Variants in TMEM38B observed in about 807,000 individuals in gnomAD.
TMEM38B encodes the protein trimeric intracellular cation channel type B.
In TMEM38B, 24 loss-of-function variants were observed where a neutral mutation model predicts 28.7. The ratio of observed to expected loss-of-function variants is 0.84; its 90% CI spans 0.61 to 1.18. The LOEUF is 1.18. TMEM38B is among the 50% of genes most tolerant of loss of function. TMEM38B has a pLI of 0.00. For missense variants in TMEM38B, 380 were observed against 350.9 expected (o/e 1.08, Z -0.66); for synonymous variants, 131 against 127.7 (o/e 1.03, Z -0.17).
intron 5 of TMEM38B, among the ~76,000 whole-genome samples, chr9:105,750,594 A>G (rs1837610751): frequency 6.6e-6 from 1 of 151,982 alleles, no homozygotes; most frequent in South Asian, 2.1e-4. Context: ...AGCCTGGGCA[A>G]CAGAGAAAGA....
chr9:105,701,426 C>A (rs369502988), intron 1 of TMEM38B: 6 of 152,176 alleles, frequency 3.9e-5, no homozygotes, highest in African/African-American at 1.4e-4. Flanking sequence ...TGAAGCAAGA[C>A]TGTAATGGTT....
Position 105,722,494 on chromosome 9 carries a change from AATTTGGCCAAATATTCTTGTTTT to A in TMEM38B, c.455-35_455-13del. On this transcript the variant is annotated splice_polypyrimidine_tract_variant and intron_variant, in intron 3 of 5. Transcript: ENST00000374692. ...TCCCTTTAAATATGTTTTACAGGAAAATTTGGCCAAATATTCTTGTTTTATTTTCATATTTTTAGGTGCAGGTG... is the reference window on the plus strand; with the variant it reads ...TCCCTTTAAATATGTTTTACAGGAAAATTTTCATATTTTTAGGTGCAGGTG... 2.6e-6 allele frequency: 4 copies of A among 1,522,334 alleles called. No individual in the cohort carries two copies. Among genetic ancestry groups the A allele is most frequent in the Non-Finnish European group, 3.6e-6 (4 of 1,097,726 alleles). 94.3% of individuals were successfully genotyped at this position (1,522,334 alleles called of 1,614,324 possible).
chr9:105,703,345 A>G (rs890264757), intron 1 of TMEM38B, among the ~76,000 whole-genome samples: 40 of 152,140 alleles, frequency 2.6e-4, no homozygotes, highest in Admixed American at 8.5e-4. Context: ...ATTATTTCCA[A>G]TTTCATCCAT....
In TMEM38B at chr9:105,694,545, C is replaced by A; in HGVS notation, c.-116C>A. On this transcript the variant is annotated 5_prime_UTR_variant, in exon 1 of 6. In the 5' UTR this introduces an upstream ATG that the reference lacks. Coordinates refer to ENST00000374692, the MANE Select transcript of TMEM38B (RefSeq NM_018112.3). ...TCGGCGCCAGGGCGCACGCGCGGAG[C>A]TGGAGCCGGCGCGGAGGAGCGGGCG... 1 of 651,088 alleles carries A rather than the reference C, an allele frequency of 1.5e-6. No individual in the cohort carries two copies. Among genetic ancestry groups the A allele is most frequent in the Non-Finnish European group, 2.4e-6 (1 of 408,942 alleles). The allele number at this position is 651,088 out of a possible 1,614,324, so 40.3% of individuals were successfully genotyped here.
intron 2 of TMEM38B, among the ~76,000 whole-genome samples, chr9:105,714,818 T>C (rs1449804821): frequency 6.6e-6 from 1 of 152,196 alleles, no homozygotes; most frequent in Non-Finnish European, 1.5e-5. Context: ...CTGGTTTCTT[T>C]TGGTGAGCAA....
chr9:105,764,909 C>A (rs956725450), intron 5 of TMEM38B, among the ~76,000 whole-genome samples: 8 of 152,112 alleles, frequency 5.3e-5, no homozygotes, highest in South Asian at 2.1e-4. Flanking sequence ...ACAGAACAGA[C>A]CCCTCAGAAA....
intron 4 of TMEM38B, among the ~76,000 whole-genome samples, chr9:105,736,368 A>G (rs933221477): frequency 1.3e-5 from 2 of 148,828 alleles, no homozygotes; most frequent in African/African-American, 2.5e-5. Context: ...TCTTTTTTCT[A>G]CTTTTCTAAT....
intron 4 of TMEM38B, among the ~76,000 whole-genome samples, chr9:105,725,880 G>A (rs763445186): frequency 5.3e-5 from 8 of 152,016 alleles, no homozygotes; most frequent in Non-Finnish European, 1.0e-4. Flanking sequence ...TATAAACACT[G>A]TACACTGAGG....
intron 5 of TMEM38B, among the ~76,000 whole-genome samples, chr9:105,770,611 C>T (rs565452578): frequency 2.2e-4 from 33 of 151,900 alleles, no homozygotes; most frequent in African/African-American, 6.3e-4. Flanking sequence ...TAATAATTAG[C>T]GAAGTCTGAG....
At chr9:105,755,493 T>C (rs1837803212) in intron 5 of TMEM38B, among the ~76,000 whole-genome samples, 1 of 152,136 alleles carries the variant, frequency 6.6e-6, no homozygotes, top group Non-Finnish European at 1.5e-5. Context: ...AAAAAAGAAG[T>C]GTGACTCCTC....
At chr9:105,722,828 C>T (rs1028123634) in intron 4 of TMEM38B, among the ~76,000 whole-genome samples, 3 of 152,032 alleles carry the variant, frequency 2.0e-5, no homozygotes, top group Admixed American at 6.6e-5. Flanking sequence ...TATTTTCCTT[C>T]TCTGTGGGTT....
chr9:105,766,402 CAT>C (rs907732661), intron 5 of TMEM38B, among the ~76,000 whole-genome samples: 18 of 152,308 alleles, frequency 1.2e-4, no homozygotes, highest in East Asian at 3.9e-4. Context: ...TGGCCACTCA[CAT>C]GTGATCTTTT....
chr9:105,712,168 G>A (rs1446306547), intron 2 of TMEM38B, among the ~76,000 whole-genome samples: 3 of 152,176 alleles, frequency 2.0e-5, no homozygotes, highest in African/African-American at 7.2e-5. Flanking sequence ...GCCTGCATTG[G>A]CCTCCCAAGG....
intron 5 of TMEM38B, among the ~76,000 whole-genome samples, chr9:105,752,355 CTG>C (rs1837685470): frequency 6.6e-6 from 1 of 152,206 alleles, no homozygotes; most frequent in Non-Finnish European, 1.5e-5. Flanking sequence ...GTCCCTGATC[CTG>C]TTCCTCCTGA....
intron 2 of TMEM38B, among the ~76,000 whole-genome samples, chr9:105,708,197 A>T (rs1030359629): frequency 5.3e-5 from 8 of 152,208 alleles, no homozygotes; most frequent in Admixed American, 2.0e-4. Context: ...AACCAGCTGC[A>T]GATCAAAAAT....
intron 4 of TMEM38B, among the ~76,000 whole-genome samples, chr9:105,723,944 T>C (rs1036681719): frequency 6.6e-6 from 1 of 152,182 alleles, no homozygotes; most frequent in African/African-American, 2.4e-5. Flanking sequence ...CAAGCAGTTC[T>C]CCTGCCTCAG....
At chr9:105,759,361 G>A (rs1837952909) in intron 5 of TMEM38B, 1 of 1,292,164 alleles carries the variant, frequency 7.7e-7, no homozygotes, top group Admixed American at 1.9e-5. Context: ...CTTCTTCTCA[G>A]TCTGCTTCAT....
At chr9:105,732,305 G>T (rs1350953066) in intron 4 of TMEM38B, among the ~76,000 whole-genome samples, 14 of 152,088 alleles carry the variant, frequency 9.2e-5, no homozygotes, top group East Asian at 5.8e-4. Context: ...AGAAGCTCTT[G>T]AGTTTAATTA....
At chr9:105,748,956 C>G (rs1157520356) in intron 5 of TMEM38B, 1 of 691,102 alleles carries the variant, frequency 1.4e-6, no homozygotes, top group Admixed American at 3.8e-5. Flanking sequence ...CTGTTTTAGA[C>G]TAGATATTTT....
Sources: allele counts gnomAD v4.1 joint callset (sites outside exome capture counted in the v4.1 genomes callset), GRCh38; gene constraint gnomAD v4.1.1; transcripts MANE v1.5; gene names NCBI Gene and HGNC (gene_info 2026-07-23, HGNC 2026-07-21).